The following EMP2 variants were observed in gnomAD, a reference collection of about 807,000 sequenced individuals.
The protein encoded by EMP2 is epithelial membrane protein 2.
EMP2 carries 19 observed loss-of-function variants against 13.7 expected under a neutral mutation model. That is an observed-to-expected ratio of 1.38 (90% CI 0.97 to 2.03). The LOEUF is 2.03. EMP2 is among the 30% of genes most tolerant of loss of function. The pLI is 0.00. For synonymous variants in EMP2, 97 were observed against 84.7 expected (o/e 1.15, Z -0.80); for missense variants, 253 against 220.7 (o/e 1.15, Z -0.93).
intron 1 of EMP2, among the ~76,000 whole-genome samples, chr16:10,566,667 A>G (rs925529488): frequency 6.6e-6 from 1 of 152,182 alleles, no homozygotes; most frequent in African/African-American, 2.4e-5. Context: ...GTGGTCTCCA[A>G]CCACGAAGTC....
At chr16:10,550,836 G>T (rs981056919) in intron 1 of EMP2, among the ~76,000 whole-genome samples, 1 of 152,050 alleles carries the variant, frequency 6.6e-6, no homozygotes, top group Non-Finnish European at 1.5e-5. Flanking sequence ...TTAGCCGGGC[G>T]TGGTGGTGGG....
At chr16:10,579,373 A>G (rs2051007062) in intron 1 of EMP2, among the ~76,000 whole-genome samples, 1 of 152,172 alleles carries the variant, frequency 6.6e-6, no homozygotes, top group Non-Finnish European at 1.5e-5. Context: ...AATTTTTATG[A>G]TAAAATATGC....
intron 3 of EMP2, among the ~76,000 whole-genome samples, chr16:10,541,322 C>T (rs1477705385): frequency 6.6e-6 from 1 of 152,106 alleles, no homozygotes; most frequent in Admixed American, 6.5e-5. Flanking sequence ...CAAACTTTTT[C>T]AGTAGAGGGA....
intron 1 of EMP2, among the ~76,000 whole-genome samples, chr16:10,570,540 G>A (rs2050939950): frequency 1.3e-5 from 2 of 152,126 alleles, no homozygotes; most frequent in Non-Finnish European, 1.5e-5. Context: ...TGGGACTACA[G>A]GCATGTGCCA....
At chr16:10,539,582 C>A (rs762923563) in intron 3 of EMP2, among the ~76,000 whole-genome samples, 72 of 152,144 alleles carry the variant, frequency 4.7e-4, no homozygotes, top group Non-Finnish European at 9.6e-4. Flanking sequence ...GCCCGAGGAA[C>A]TTTCTGGAGA....
At chr16:10,534,029 C>T (rs1219952773) in intron 4 of EMP2, among the ~76,000 whole-genome samples, 1 of 151,872 alleles carries the variant, frequency 6.6e-6, no homozygotes, top group Non-Finnish European at 1.5e-5. Context: ...GCAGGAGAAT[C>T]GCTTTAACTC....
chr16:10,578,427 C>T (rs1046339860), intron 1 of EMP2, among the ~76,000 whole-genome samples: 4 of 152,164 alleles, frequency 2.6e-5, no homozygotes, highest in African/African-American at 2.4e-5. Flanking sequence ...GGTGGAGAAG[C>T]GGGGGCGGTT....
At chr16:10,544,138 G>A (rs189598697) in intron 2 of EMP2, 1 of 154,752 alleles carries the variant, frequency 6.5e-6, no homozygotes, top group Admixed American at 6.3e-5. Context: ...ACAAGCATGA[G>A]CCACTGCGCT....
chr16:10,573,904 T>C (rs1401930125), intron 1 of EMP2, among the ~76,000 whole-genome samples: 1 of 152,058 alleles, frequency 6.6e-6, no homozygotes, highest in Non-Finnish European at 1.5e-5. Context: ...CATAAAGCTC[T>C]TTCCATATGG....
At chr16:10,534,113 CA>C (rs150563792) in intron 4 of EMP2, among the ~76,000 whole-genome samples, 78 of 140,672 alleles carry the variant, frequency 5.5e-4, no homozygotes, top group Admixed American at 4.3e-4. Context: ...AACTTCCTCT[CA>C]AAAAAAAAAA....
chr16:10,572,383 G>GA (rs1356683510), intron 1 of EMP2, among the ~76,000 whole-genome samples: 2 of 151,936 alleles, frequency 1.3e-5, no homozygotes, highest in African/African-American at 4.8e-5. Flanking sequence ...GGTGTTCGCG[G>GA]CTGCCGTGAG....
At chr16:10,538,510 C>T (rs1004529402) in intron 3 of EMP2, among the ~76,000 whole-genome samples, 2 of 152,126 alleles carry the variant, frequency 1.3e-5, no homozygotes, top group South Asian at 2.1e-4. Flanking sequence ...GGGACTGTGA[C>T]CTTGTGAGGT....
intron 1 of EMP2, among the ~76,000 whole-genome samples, chr16:10,559,491 G>A (rs892900932): frequency 6.6e-5 from 10 of 152,210 alleles, no homozygotes; most frequent in African/African-American, 2.4e-4. Flanking sequence ...AGCCACTGAG[G>A]ATCATTCTGT....
At chr16:10,570,561 C>A (rs867785256) in intron 1 of EMP2, among the ~76,000 whole-genome samples, 1 of 152,158 alleles carries the variant, frequency 6.6e-6, no homozygotes, top group Non-Finnish European at 1.5e-5. Flanking sequence ...CCACACCTGG[C>A]TAATTTTTGT....
At chr16:10,541,135 C>T (rs1416791658) in intron 3 of EMP2, among the ~76,000 whole-genome samples, 1 of 151,618 alleles carries the variant, frequency 6.6e-6, no homozygotes, top group African/African-American at 2.4e-5. Flanking sequence ...AGTGCAGAGG[C>T]TCATGCCTAA....
intron 1 of EMP2, among the ~76,000 whole-genome samples, chr16:10,560,914 G>C (rs2050866986): frequency 6.6e-6 from 1 of 152,192 alleles, no homozygotes; most frequent in South Asian, 2.1e-4. Flanking sequence ...ACCACACAAA[G>C]GAGAGCAAAT....
intron 1 of EMP2, among the ~76,000 whole-genome samples, chr16:10,562,554 A>T (rs1000761501): frequency 1.3e-5 from 2 of 152,126 alleles, no homozygotes; most frequent in Admixed American, 1.3e-4. Flanking sequence ...CAGACACATG[A>T]ATGAGCCCAG....
At chr16:10,538,417 T>C (rs1301215372) in intron 3 of EMP2, among the ~76,000 whole-genome samples, 1 of 152,058 alleles carries the variant, frequency 6.6e-6, no homozygotes, top group Non-Finnish European at 1.5e-5. Flanking sequence ...GGTTCCAACG[T>C]GGTAGATTGT....
intron 1 of EMP2, among the ~76,000 whole-genome samples, chr16:10,573,735 A>C (rs1482227808): frequency 6.6e-6 from 1 of 152,194 alleles, no homozygotes; most frequent in Non-Finnish European, 1.5e-5. Flanking sequence ...AGAGACAACC[A>C]CATGGACCTA....
Sources: gnomAD v4.1 joint callset for allele counts (sites outside exome capture counted in the v4.1 genomes callset) on GRCh38, gnomAD v4.1.1 for gene constraint, MANE v1.5 for transcripts, NCBI Gene and HGNC (gene_info 2026-07-23, HGNC 2026-07-21) for gene names.